The following LRP6 variants were observed in gnomAD, a reference collection of about 807,000 sequenced individuals.
The protein encoded by LRP6 is LDL receptor related protein 6.
A neutral mutation model predicts 184.1 loss-of-function variants in LRP6; 43 were observed. That is an observed-to-expected ratio of 0.23 (90% CI 0.18 to 0.30). The LOEUF is 0.30. Among genes scored for constraint, LRP6 ranks in the 10% least tolerant of loss-of-function variants. The pLI, the probability that LRP6 is intolerant of heterozygous loss-of-function variation, is 1.00. For missense variants in LRP6, 1,571 were observed against 2,005.3 expected, an observed-to-expected ratio of 0.78 and a Z score of 4.14; for synonymous variants, 719 against 684.9, an observed-to-expected ratio of 1.05 and a Z score of -0.78.
intron 5 of LRP6, among the ~76,000 whole-genome samples, chr12:12,182,042 T>C (rs537163670): frequency 1.3e-5 from 2 of 152,260 alleles, no homozygotes; most frequent in Non-Finnish European, 2.9e-5. Flanking sequence ...AAGCAAGCTA[T>C]GGAGAAACAA....
intron 12 of LRP6, among the ~76,000 whole-genome samples, chr12:12,154,726 A>C (rs1275225939): frequency 6.6e-6 from 1 of 152,180 alleles, no homozygotes; most frequent in Non-Finnish European, 1.5e-5. Flanking sequence ...AGCCAGAAAG[A>C]AGCACTGAGT....
rs373191251 is a variant in LRP6 at position 12,121,902 on chromosome 12, CTGTACAATTT to C, written c.4548-492_4548-483del. On this transcript the variant is annotated intron_variant, in intron 22 of 22. Transcript: ENST00000261349. ...CTTCATTTCTTTCTTCTGTACAATT[CTGTACAATTT>C]CTGTACAGTCCAGGCTGGATTTTGG... 6.1e-3 allele frequency among the ~76,000 whole-genome samples: 933 copies of C among 152,252 alleles called. 4 individuals are homozygous for C. Among genetic ancestry groups the C allele is most frequent in the Non-Finnish European group, 8.3e-3 (566 of 68,010 alleles).
At chr12:12,131,100 T>C (rs1428877308) in intron 18 of LRP6, among the ~76,000 whole-genome samples, 18 of 129,112 alleles carry the variant, frequency 1.4e-4, no homozygotes, top group African/African-American at 4.9e-4. Flanking sequence ...TCCTAACATT[T>C]TTTTTTTTTT....
At chr12:12,128,769 C>T (rs1011188889) in intron 19 of LRP6, among the ~76,000 whole-genome samples, 2 of 152,192 alleles carry the variant, frequency 1.3e-5, no homozygotes, top group South Asian at 4.1e-4. Flanking sequence ...CTTTGGTTTT[C>T]AGTTCCTGCT....
intron 17 of LRP6, 68 bp from the exon 18 acceptor site, chr12:12,132,125 TA>T (rs1474502195): frequency 7.5e-6 from 7 of 934,320 alleles, no homozygotes; most frequent in Non-Finnish European, 1.3e-5. Context: ...TACAAACACA[TA>T]CCTGAGTGAA....
intron 2 of LRP6, among the ~76,000 whole-genome samples, chr12:12,233,195 C>T (rs967215231): frequency 1.3e-5 from 2 of 152,110 alleles, no homozygotes; most frequent in African/African-American, 2.4e-5. Context: ...TGTCTGGGCG[C>T]GGTGGCTCAT....
At chr12:12,136,019 T>C (rs778395053) in intron 16 of LRP6, among the ~76,000 whole-genome samples, 27 of 152,004 alleles carry the variant, frequency 1.8e-4, no homozygotes, top group Non-Finnish European at 3.2e-4. Flanking sequence ...ATCCCGTCTC[T>C]ACTAAAATAC....
At position 12,149,084 on chromosome 12, in the gene LRP6, C is replaced by G; in HGVS notation, c.3064G>C (p.Asp1022His). 6.2e-7 allele frequency: 1 copy of G among 1,614,016 alleles called. No individual in the cohort carries two copies. The highest frequency in any genetic ancestry group is 8.5e-7 in the Non-Finnish European group (1 of 1,179,994). ...LEIQPYDLSI[D>H]IYSRYIYWTC... is the part of the protein sequence containing the mutation. ...CAGTAGATGTAGCGGCTGTAAATATCAATGCTGAGGTCATAGGGTTGTATT... is the reference window on the plus strand; with the variant it reads ...CAGTAGATGTAGCGGCTGTAAATATGAATGCTGAGGTCATAGGGTTGTATT... Residue 1022 changes from aspartate to histidine, a missense_variant, in exon 14 of 23, where the codon GAT becomes CAT. Asp to His is a moderately conservative substitution (Grantham distance 81). Transcript: ENST00000261349.
intron 7 of LRP6, among the ~76,000 whole-genome samples, chr12:12,167,399 T>C (rs1862910823): frequency 6.6e-6 from 1 of 152,034 alleles, no homozygotes; most frequent in South Asian, 2.1e-4. Flanking sequence ...ATCCCAGCAT[T>C]TTGGGAGGCC....
At chr12:12,127,177 A>G (rs1437171008) in intron 19 of LRP6, among the ~76,000 whole-genome samples, 1 of 152,260 alleles carries the variant, frequency 6.6e-6, no homozygotes, top group Non-Finnish European at 1.5e-5. Flanking sequence ...GTGTAATTGT[A>G]AACAGATAGA....
intron 3 of LRP6, among the ~76,000 whole-genome samples, chr12:12,196,350 T>A (rs2137025954): frequency 6.6e-6 from 1 of 152,306 alleles, no homozygotes. Flanking sequence ...TCCATTTGTA[T>A]GTATCCCTCT....
chr12:12,224,121 T>C (rs540758357), intron 2 of LRP6, among the ~76,000 whole-genome samples: 1 of 152,328 alleles, frequency 6.6e-6, no homozygotes, highest in African/African-American at 2.4e-5. Flanking sequence ...ACATCTCTAA[T>C]ACAATTAGAT....
In LRP6 at chr12:12,151,026, A is replaced by T; in HGVS notation, c.2804T>A (p.Phe935Tyr). 6.2e-7 allele frequency: 1 copy of T among 1,614,056 alleles called. No homozygotes were observed. Among genetic ancestry groups the T allele is most frequent in the Non-Finnish European group, 8.5e-7 (1 of 1,179,936 alleles). Residue 935 changes from phenylalanine to tyrosine, a missense_variant, in exon 13 of 23, where the codon TTC becomes TAC. This residue lies in a region of LRP6 where 763 missense variants were observed against 859.5 expected (regional missense o/e 0.89). Transcript: ENST00000261349. The part of the protein sequence containing the change: ...DNRTCSAPTT[F>Y]LLFSQKSAIN... ...GGCACTCTTTTGACTGAAGAGCAGG[A>T]AAGTCGTAGGAGCTTAAAAGGAAGA... is the stretch of plus-strand genomic sequence containing the variant.
At chr12:12,239,602 A>G (rs910250871) in intron 2 of LRP6, among the ~76,000 whole-genome samples, 3 of 152,212 alleles carry the variant, frequency 2.0e-5, no homozygotes, top group Middle Eastern at 6.8e-3. Context: ...TCTGGAATAC[A>G]TCGAAGGTAG....
chr12:12,266,642 C>A (rs370216234), intron 1 of LRP6, 39 bp downstream of exon 1: 7 of 1,591,954 alleles, frequency 4.4e-6, no homozygotes, highest in Non-Finnish European at 6.0e-6. Flanking sequence ...CACCTCCCCC[C>A]GAACCCCACC....
chr12:12,208,644 A>T (rs1591949121), intron 2 of LRP6, among the ~76,000 whole-genome samples: 1 of 152,206 alleles, frequency 6.6e-6, no homozygotes, highest in African/African-American at 2.4e-5. Context: ...CATTGCACGT[A>T]TTCTTTTTTA....
chr12:12,154,805 G>T (rs529109650), intron 12 of LRP6, among the ~76,000 whole-genome samples: 1 of 152,260 alleles, frequency 6.6e-6, no homozygotes, highest in African/African-American at 2.4e-5. Flanking sequence ...GAAAGGAAAA[G>T]AAAAATTTAT....
At chr12:12,164,089 C>T (rs935459846) in intron 9 of LRP6, among the ~76,000 whole-genome samples, 184 bp downstream of exon 9, 1 of 150,880 alleles carries the variant, frequency 6.6e-6, no homozygotes, top group African/African-American at 2.5e-5. Context: ...GAGACTGCAC[C>T]ACTGCACTCC....
At chr12:12,140,242 C>T (rs778939485) in intron 15 of LRP6, among the ~76,000 whole-genome samples, 1 of 150,616 alleles carries the variant, frequency 6.6e-6, no homozygotes, top group Non-Finnish European at 1.5e-5. Flanking sequence ...TTCAGAGGGG[C>T]AGAGCATTTG....
Sources: gnomAD v4.1 joint callset for allele counts (sites outside exome capture counted in the v4.1 genomes callset) on GRCh38, gnomAD v4.1.1 for gene constraint, gnomAD v4.1.1 regional missense constraint, MANE v1.5 for transcripts, NCBI Gene and HGNC (gene_info 2026-07-23, HGNC 2026-07-21) for gene names.